Variants in NLGN1 observed in about 807,000 individuals in gnomAD.
The protein encoded by NLGN1 is neuroligin 1.
NLGN1 carries 12 observed loss-of-function variants against 65.5 expected under a neutral mutation model. The ratio of observed to expected loss-of-function variants is 0.18; its 90% confidence interval spans 0.12 to 0.30. The LOEUF is 0.30. Ranked by LOEUF, NLGN1 falls within the 10% of genes least tolerant of loss-of-function variation. The pLI, the probability that NLGN1 is intolerant of heterozygous loss-of-function variation, is 1.00. For missense variants in NLGN1, 750 were observed against 1,007.1 expected, an observed-to-expected ratio of 0.74 and a Z score of 3.46; for synonymous variants, 350 against 359.5, an observed-to-expected ratio of 0.97 and a Z score of 0.30.
intron 3 of NLGN1, among the ~76,000 whole-genome samples, chr3:173,639,508 G>A (rs1185164446): frequency 6.6e-6 from 1 of 152,180 alleles, no homozygotes; most frequent in East Asian, 1.9e-4. Context: ...GAATAGCACT[G>A]GACAGGTTCA....
intron 4 of NLGN1, among the ~76,000 whole-genome samples, chr3:173,851,857 T>A (rs955051450): frequency 6.6e-6 from 1 of 152,220 alleles, no homozygotes; most frequent in African/African-American, 2.4e-5. Flanking sequence ...GTTAAGAAAC[T>A]ATAAATTCAT....
intron 3 of NLGN1, among the ~76,000 whole-genome samples, chr3:173,632,936 G>A (rs935795454): frequency 2.0e-5 from 3 of 149,264 alleles, no homozygotes; most frequent in Non-Finnish European, 3.0e-5. Context: ...AGCAGTATGA[G>A]TGTAATTGCT....
chr3:173,785,135 G>A (rs755102219), intron 3 of NLGN1, among the ~76,000 whole-genome samples: 29 of 152,290 alleles, frequency 1.9e-4, no homozygotes, highest in Non-Finnish European at 3.8e-4. Context: ...TATAATAATA[G>A]TTCAAAAGCC....
chr3:173,797,553 G>A (rs548756414), intron 3 of NLGN1, among the ~76,000 whole-genome samples: 11 of 151,970 alleles, frequency 7.2e-5, no homozygotes, highest in African/African-American at 1.9e-4. Flanking sequence ...TAATTCTTCA[G>A]ATTTATTACA....
At chr3:174,044,247 C>T (rs753362022) in intron 4 of NLGN1, among the ~76,000 whole-genome samples, 2 of 152,112 alleles carry the variant, frequency 1.3e-5, no homozygotes, top group Non-Finnish European at 2.9e-5. Flanking sequence ...TCTGACATGC[C>T]CCGGAGACAT....
intron 4 of NLGN1, among the ~76,000 whole-genome samples, chr3:174,235,550 C>T (rs1163266434): frequency 6.6e-6 from 1 of 152,098 alleles, no homozygotes; most frequent in Non-Finnish European, 1.5e-5. Flanking sequence ...TGGGCAGACG[C>T]ATCTTACATT....
intron 2 of NLGN1, among the ~76,000 whole-genome samples, chr3:173,490,921 T>C (rs573097860): frequency 7.9e-5 from 12 of 151,720 alleles, no homozygotes; most frequent in Non-Finnish European, 4.4e-5. Context: ...ATAAGAATGC[T>C]TGTGATTTTT....
intron 4 of NLGN1, among the ~76,000 whole-genome samples, chr3:174,051,535 GC>G (rs1334792364): frequency 6.6e-6 from 1 of 152,002 alleles, no homozygotes; most frequent in Non-Finnish European, 1.5e-5. Flanking sequence ...TTTGCTCATA[GC>G]CTTATGTATG....
intron 4 of NLGN1, among the ~76,000 whole-genome samples, chr3:173,993,770 G>T (rs1389713996): frequency 2.0e-5 from 3 of 151,136 alleles, no homozygotes; most frequent in Non-Finnish European, 1.5e-5. Flanking sequence ...TATAGTGTGT[G>T]TATATATATA....
intron 4 of NLGN1, among the ~76,000 whole-genome samples, chr3:174,134,101 A>G (rs1720753032): frequency 6.6e-6 from 1 of 152,098 alleles, no homozygotes; most frequent in South Asian, 2.1e-4. Flanking sequence ...AAGACAAATT[A>G]TATTTTATTG....
chr3:173,944,124 G>GTTGTCTGTGTGT lies in NLGN1; in HGVS notation c.646+136292_646+136293insTTGTCTGTGTGT, dbSNP rs34721217. 2.7e-3 allele frequency among the ~76,000 whole-genome samples: 382 copies of GTTGTCTGTGTGT among 139,594 alleles called. 5 individuals are homozygous for GTTGTCTGTGTGT. The highest frequency in any genetic ancestry group is 9.4e-3 in the African/African-American group (342 of 36,544). The allele number at this position is 139,594 out of a possible 152,430, so 91.6% of individuals were successfully genotyped here. On this transcript the variant is annotated intron_variant, in intron 4 of 6. Coordinates refer to ENST00000457714, the Ensembl canonical transcript of NLGN1. ...TTTTAAATGTCCAGTTAATATTATG[G>GTTGTCTGTGTGT]GTGTGTGTGTGTGTGTGTGTGTGTG...
intron 4 of NLGN1, among the ~76,000 whole-genome samples, chr3:174,227,839 A>C (rs141628522): frequency 0.012 from 1,796 of 152,202 alleles, 13 homozygotes; most frequent in Middle Eastern, 0.02. Flanking sequence ...GCATCATCTA[A>C]TATTTATTTG....
At position 173,576,119 on chromosome 3, in the gene NLGN1, G is replaced by T. The variant is rs965171214; in HGVS notation, c.-320-28160G>T. ...TTTCTCAATAATAGTCTTTCATATT[G>T]ATTATATGTTGAAGTGATAATATTT... On this transcript the variant is annotated intron_variant, in intron 2 of 6. Coordinates refer to ENST00000457714, the Ensembl canonical transcript of NLGN1. 1.2e-4 allele frequency among the ~76,000 whole-genome samples: 18 copies of T among 152,012 alleles called. No individual in the cohort carries two copies. In the East Asian group the frequency reaches 2.1e-3, roughly 18 times the overall value.
intron 2 of NLGN1, among the ~76,000 whole-genome samples, chr3:173,483,915 C>T (rs1576911044): frequency 6.6e-6 from 1 of 152,188 alleles, no homozygotes; most frequent in Non-Finnish European, 1.5e-5. Context: ...TTAAACTTTG[C>T]CTGAAATGTA....
At chr3:173,523,414 C>G (rs943226452) in intron 2 of NLGN1, among the ~76,000 whole-genome samples, 3 of 151,580 alleles carry the variant, frequency 2.0e-5, no homozygotes, top group Non-Finnish European at 4.4e-5. Flanking sequence ...TTTTATCCAT[C>G]TTGAGTTAAT....
intron 3 of NLGN1, among the ~76,000 whole-genome samples, chr3:173,708,892 A>G (rs1407718683): frequency 3.3e-5 from 5 of 152,218 alleles, no homozygotes; most frequent in Non-Finnish European, 7.3e-5. Context: ...GTAAAGCTGT[A>G]TTTTAAACCA....
chr3:173,514,892 T>G (rs1733575187), intron 2 of NLGN1, among the ~76,000 whole-genome samples: 1 of 152,214 alleles, frequency 6.6e-6, no homozygotes, highest in Non-Finnish European at 1.5e-5. Context: ...CAAAGTAAAT[T>G]TTTTATGCAT....
intron 4 of NLGN1, among the ~76,000 whole-genome samples, chr3:174,107,657 G>A (rs1386773056): frequency 3.3e-5 from 5 of 152,024 alleles, no homozygotes; most frequent in Non-Finnish European, 7.4e-5. Flanking sequence ...ATTCCCAAAA[G>A]TTCCATTGCT....
chr3:173,965,190 T>C (rs1453154928), intron 4 of NLGN1, among the ~76,000 whole-genome samples: 1 of 152,034 alleles, frequency 6.6e-6, no homozygotes, highest in Non-Finnish European at 1.5e-5. Flanking sequence ...TCCTACAGAG[T>C]AGAAGATCCA....
Sources: allele counts gnomAD v4.1 joint callset (sites outside exome capture counted in the v4.1 genomes callset), GRCh38; gene constraint gnomAD v4.1.1; transcripts MANE v1.5; gene names NCBI Gene and HGNC (gene_info 2026-07-23, HGNC 2026-07-21).